ST6GALNAC3: variants seen among roughly 807,000 people sequenced by gnomAD.
ST6GALNAC3 encodes the protein alpha-N-acetylgalactosaminide alpha-2,6-sialyltransferase 3.
Under a neutral mutation model 32.7 loss-of-function variants are expected in ST6GALNAC3, and 25 were observed. The observed-to-expected ratio is 0.76, with a 90% CI of 0.56 to 1.07. ST6GALNAC3 has a LOEUF of 1.07. Among genes scored for constraint, ST6GALNAC3 ranks in the 50% least tolerant of loss-of-function variants. The pLI, the probability that ST6GALNAC3 is intolerant of heterozygous loss-of-function variation, is 0.00. For missense variants in ST6GALNAC3, 355 were observed against 382.4 expected (o/e 0.93, Z 0.60); for synonymous variants, 129 against 133.1 (o/e 0.97, Z 0.21).
At chr1:76,209,785 A>T (rs1008241261) in intron 1 of ST6GALNAC3, among the ~76,000 whole-genome samples, 1 of 152,198 alleles carries the variant, frequency 6.6e-6, no homozygotes, top group Non-Finnish European at 1.5e-5. Flanking sequence ...GGGGACTTGG[A>T]GCTACAGGTC....
chr1:76,520,602 A>T (rs1356367143), intron 3 of ST6GALNAC3, among the ~76,000 whole-genome samples: 1 of 151,968 alleles, frequency 6.6e-6, no homozygotes, highest in African/African-American at 2.4e-5. Flanking sequence ...GGAAAAAATT[A>T]CTTACTTTGG....
chr1:76,295,732 A>G (rs896725525), intron 1 of ST6GALNAC3, among the ~76,000 whole-genome samples: 1 of 152,098 alleles, frequency 6.6e-6, no homozygotes, highest in Non-Finnish European at 1.5e-5. Context: ...AGACTTACAT[A>G]CTGAACTGGA....
chr1:76,492,069 G>T (rs180731186), intron 3 of ST6GALNAC3, among the ~76,000 whole-genome samples: 1 of 152,290 alleles, frequency 6.6e-6, no homozygotes, highest in East Asian at 1.9e-4. Flanking sequence ...ATTCCTGTTT[G>T]ATGTATGAGT....
chr1:76,590,590 T>C (rs749462738), intron 3 of ST6GALNAC3, among the ~76,000 whole-genome samples: 78 of 152,358 alleles, frequency 5.1e-4, no homozygotes, highest in Non-Finnish European at 8.8e-4. Flanking sequence ...AAACTCTCTA[T>C]GGATGTACTC....
At chr1:76,210,648 T>C (rs1655102630) in intron 1 of ST6GALNAC3, among the ~76,000 whole-genome samples, 1 of 152,234 alleles carries the variant, frequency 6.6e-6, no homozygotes, top group South Asian at 2.1e-4. Context: ...GTTTGCTTTC[T>C]CCTGAGGCCT....
Position 76,466,382 on chromosome 1 carries a change from C to A in ST6GALNAC3, c.623+53965C>A, listed in dbSNP as rs549956973. ...ACACACAGTGCCACAGAGAATCCTG[C>A]ACATAGCTCCCTAGGGTTCCTGAGA... On this transcript the variant is annotated intron_variant, in intron 3 of 4. Coordinates refer to ENST00000328299, the MANE Select transcript of ST6GALNAC3 (RefSeq NM_152996.4). Among the ~76,000 whole-genome samples, 121 of 152,128 alleles carry A rather than the reference C, an allele frequency of 8.0e-4. 1 individual carries two copies. The highest frequency in any genetic ancestry group is 2.8e-3 in the African/African-American group (118 of 41,540).
At chr1:76,376,467 C>T (rs1023736584) in intron 2 of ST6GALNAC3, among the ~76,000 whole-genome samples, 1 of 152,204 alleles carries the variant, frequency 6.6e-6, no homozygotes, top group African/African-American at 2.4e-5. Flanking sequence ...CTCCCTCCTT[C>T]TCTCCCCTCC....
At chr1:76,288,875 G>A (rs182239035) in intron 1 of ST6GALNAC3, among the ~76,000 whole-genome samples, 2 of 152,220 alleles carry the variant, frequency 1.3e-5, no homozygotes, top group East Asian at 1.9e-4. Context: ...CTCTATTATA[G>A]CGAGCAGAAA....
intron 3 of ST6GALNAC3, among the ~76,000 whole-genome samples, chr1:76,523,345 C>A (rs184105985): frequency 6.6e-6 from 1 of 151,740 alleles, no homozygotes; most frequent in East Asian, 1.9e-4. Context: ...TTTCTGTTGC[C>A]TATTTCTTTT....
chr1:76,270,246 T>G (rs1570641125), intron 1 of ST6GALNAC3, among the ~76,000 whole-genome samples: 1 of 152,004 alleles, frequency 6.6e-6, no homozygotes, highest in South Asian at 2.1e-4. Flanking sequence ...GTGGCTCACA[T>G]CTGTAATCCT....
chr1:76,277,457 A>G (rs1055282016), intron 1 of ST6GALNAC3, among the ~76,000 whole-genome samples: 1 of 150,924 alleles, frequency 6.6e-6, no homozygotes, highest in Non-Finnish European at 1.5e-5. Flanking sequence ...TTCTATATTC[A>G]AAAAATAGAT....
chr1:76,514,756 C>T (rs994892416), intron 3 of ST6GALNAC3, among the ~76,000 whole-genome samples: 5 of 152,088 alleles, frequency 3.3e-5, no homozygotes, highest in African/African-American at 1.2e-4. Flanking sequence ...TTATAAATTA[C>T]CCAGTCTCTG....
chr1:76,578,004 G>C (rs768065013), intron 3 of ST6GALNAC3, among the ~76,000 whole-genome samples: 3 of 152,044 alleles, frequency 2.0e-5, no homozygotes, highest in Non-Finnish European at 4.4e-5. Context: ...CTTGATAATT[G>C]TTTAAGCAGC....
At chr1:76,083,801 C>T (rs921318526) in intron 1 of ST6GALNAC3, among the ~76,000 whole-genome samples, 8 of 152,054 alleles carry the variant, frequency 5.3e-5, no homozygotes, top group African/African-American at 1.9e-4. Context: ...TCTTAAAACT[C>T]GGTGTACGTT....
intron 2 of ST6GALNAC3, among the ~76,000 whole-genome samples, chr1:76,406,123 A>G (rs1557860205): frequency 1.3e-5 from 2 of 152,092 alleles, no homozygotes; most frequent in Admixed American, 6.6e-5. Context: ...TCGTGTGAAC[A>G]TAGTACCCCA....
chr1:76,276,814 G>A (rs936620510), intron 1 of ST6GALNAC3, among the ~76,000 whole-genome samples: 3 of 152,060 alleles, frequency 2.0e-5, no homozygotes, highest in African/African-American at 7.2e-5. Flanking sequence ...CCACATCTTT[G>A]CCAACACTTG....
In ST6GALNAC3 at chr1:76,628,665, A is replaced by G; in HGVS notation, c.777A>G (p.Gly259=). The part of the protein sequence containing the change: ...RKVPYHYYEQ[G]RDECDEYFLH... Reference sequence around the variant, plus strand: ...TCCCCTACCATTATTATGAACAAGGAAGAGATGAGTGTGATGAATATTTTC... The same window carrying G: ...TCCCCTACCATTATTATGAACAAGGGAGAGATGAGTGTGATGAATATTTTC... The change falls in exon 5 of 5, where the codon GGA becomes GGG. Residue 259 remains glycine, a synonymous_variant. Transcript: ENST00000328299. The G allele has an allele frequency of 1.2e-6, 2 of 1,611,788 alleles. No individual in the cohort carries two copies. The highest frequency in any genetic ancestry group is 1.7e-6 in the Non-Finnish European group (2 of 1,178,936).
At chr1:76,089,118 T>G (rs994410758) in intron 1 of ST6GALNAC3, among the ~76,000 whole-genome samples, 1 of 152,176 alleles carries the variant, frequency 6.6e-6, no homozygotes, top group Non-Finnish European at 1.5e-5. Flanking sequence ...AAGCTCCACC[T>G]CCCGGGTTCA....
intron 1 of ST6GALNAC3, among the ~76,000 whole-genome samples, chr1:76,163,610 C>T (rs1269190385): frequency 2.0e-5 from 3 of 152,048 alleles, no homozygotes; most frequent in African/African-American, 7.2e-5. Flanking sequence ...ATGTGTCTTA[C>T]AATAAATGGC....
Sources: gnomAD v4.1 joint callset for allele counts (sites outside exome capture counted in the v4.1 genomes callset) on GRCh38, gnomAD v4.1.1 for gene constraint, MANE v1.5 for transcripts, NCBI Gene and HGNC (gene_info 2026-07-23, HGNC 2026-07-21) for gene names.